HSPG2: variants seen among roughly 807,000 people sequenced by gnomAD.
HSPG2 encodes the protein basement membrane-specific heparan sulfate proteoglycan core protein.
Under a neutral mutation model 526.6 loss-of-function variants are expected in HSPG2, and 278 were observed. The observed-to-expected ratio is 0.53, with a 90% CI of 0.48 to 0.58. The LOEUF (loss-of-function observed/expected upper bound fraction) is 0.58. Ranked by LOEUF, HSPG2 falls within the 20% of genes least tolerant of loss-of-function variation. The probability of loss-of-function intolerance (pLI) is 0.00; values close to 1 mark genes in which losing one functional copy is unlikely to be tolerated. For missense variants in HSPG2, 5,354 were observed against 6,099.5 expected, an observed-to-expected ratio of 0.88 and a Z score of 4.07; for synonymous variants, 2,465 against 2,555.4, an observed-to-expected ratio of 0.96 and a Z score of 1.07.
chr1:21,824,376 C>A lies in HSPG2; in HGVS notation c.12745G>T (p.Glu4249Ter). 1 of 1,613,912 alleles carries A rather than the reference C, an allele frequency of 6.2e-7. No homozygotes were observed. The highest frequency in any genetic ancestry group is 8.5e-7 in the Non-Finnish European group (1 of 1,180,028). ...TTGCCTTGGCCGGCCTCTCCCACCT[C>A]CTGCCAGGGAAGCACAGGGTCTCTG... Reference protein sequence around the residue: ...ASGLLLWQGVEVGEAGQGKDF... With the variant: ...ASGLLLWQGV Residue 4249 changes from glutamate (E) to a stop codon, truncating the protein, a stop_gained and splice_region_variant, in exon 94 of 97, where the codon GAG becomes TAG. Transcript: ENST00000374695. LOFTEE classifies it high-confidence loss of function. This position sits in a 1 kb window ranked among gnomAD's most constrained non-coding sequence, Gnocchi z 5.9.
intron 1 of HSPG2, among the ~76,000 whole-genome samples, chr1:21,923,384 C>A (rs746416108): frequency 6.6e-6 from 1 of 151,650 alleles, no homozygotes; most frequent in Non-Finnish European, 1.5e-5. Flanking sequence ...CCAGCCTGGG[C>A]GACAGAGCAA....
chr1:21,839,280 G>T lies in HSPG2; in HGVS notation c.9889+91C>A. On this transcript the variant is annotated intron_variant, in intron 73 of 96. Transcript: ENST00000374695. This position sits in a 1 kb window ranked among gnomAD's most constrained non-coding sequence, Gnocchi z 4.5. ...ACCCTGCAGCGCCTGGAGACCTCTG[G>T]ATGGGGTTCCTGGGGTTCTGTGTGG... 1.3e-6 allele frequency: 2 copies of T among 1,515,796 alleles called. No homozygotes were observed. Among genetic ancestry groups the T allele is most frequent in the Non-Finnish European group, 1.8e-6 (2 of 1,103,828 alleles). The allele number at this position is 1,515,796 out of a possible 1,614,324, so 93.9% of individuals were successfully genotyped here.
At position 21,872,915 on chromosome 1, in the gene HSPG2, C is replaced by T; in HGVS notation, c.3888+82G>A. On this transcript the variant is annotated intron_variant, in intron 31 of 96. Coordinates refer to ENST00000374695, the MANE Select transcript of HSPG2 (RefSeq NM_005529.7). This position sits in a 1 kb window ranked among gnomAD's most constrained non-coding sequence, Gnocchi z 5.5. ...GCCCCCCATGCCCAGGTCTCGGCTT[C>T]CACCAGATGCTGCCTGATTTCCCCG... 6.5e-7 allele frequency: 1 copy of T among 1,549,552 alleles called. No homozygotes were observed. Among genetic ancestry groups the T allele is most frequent in the Non-Finnish European group, 8.9e-7 (1 of 1,122,020 alleles).
rs910977835 is a variant in HSPG2 at position 21,828,969 on chromosome 1, C to T, written c.12103G>A (p.Val4035Met). 31 of 1,576,868 alleles carry T rather than the reference C, an allele frequency of 2.0e-5. No individual in the cohort carries two copies. The highest frequency in any genetic ancestry group is 2.5e-5 in the Non-Finnish European group (29 of 1,161,682). Reference sequence around the variant, plus strand: ...CTCTTGCCGGGCGAGGAGCGCAGCACAGGGCGTCCACCATTCACCCGCAGG... The same window carrying T: ...CTCTTGCCGGGCGAGGAGCGCAGCATAGGGCGTCCACCATTCACCCGCAGG... ...GSLRVNGGRP[V>M]LRSSPGKSQG... is the part of the protein sequence containing the mutation. Residue 4035 changes from valine to methionine, a missense_variant, in exon 88 of 97, where the codon GTG (valine) becomes ATG (methionine). Coordinates refer to ENST00000374695, the MANE Select transcript of HSPG2 (RefSeq NM_005529.7). The surrounding 1 kb of genome is among the most constrained non-coding windows in gnomAD (Gnocchi z 6.0).
At chr1:21,905,215 C>G (rs1643312694) in intron 1 of HSPG2, among the ~76,000 whole-genome samples, 1 of 147,412 alleles carries the variant, frequency 6.8e-6, no homozygotes. Context: ...TCATGGTCAA[C>G]CAGGTTCTAT....
Position 21,847,208 on chromosome 1 carries a change from G to A in HSPG2, c.8164+146C>T, listed in dbSNP as rs769549367. The A allele has an allele frequency of 9.8e-5, 80 of 819,110 alleles. No individual in the cohort carries two copies. The highest frequency in any genetic ancestry group is 2.3e-4 in the Middle Eastern group (1 of 4,426). 50.7% of individuals were successfully genotyped at this position (819,110 alleles called of 1,614,324 possible). A position where few individuals can be genotyped will look rare whatever the true frequency, so the allele number is the denominator to read the frequency against. On this transcript the variant is annotated intron_variant, in intron 62 of 96. Transcript: ENST00000374695. This position sits in a 1 kb window ranked among gnomAD's most constrained non-coding sequence, Gnocchi z 4.1. ...ATTGAGAATTTGAAATGTTAGAAAT[G>A]GGGTAGCCGTAGCCACTGAACCCAC...
At chr1:21,836,527 T>C (rs1298011008) in intron 75 of HSPG2, among the ~76,000 whole-genome samples, 1 of 152,200 alleles carries the variant, frequency 6.6e-6, no homozygotes, top group East Asian at 1.9e-4. Context: ...TTCACCATGT[T>C]GGCCAGGCTG....
At chr1:21,900,543 G>A (rs1643041553) in intron 1 of HSPG2, among the ~76,000 whole-genome samples, 2 of 152,130 alleles carry the variant, frequency 1.3e-5, no homozygotes, top group South Asian at 4.1e-4. Flanking sequence ...GCCTGGGTGA[G>A]GATAAAGAGG....
intron 65 of HSPG2, 121 bp from the exon 66 acceptor site, chr1:21,843,559 A>C: frequency 3.0e-6 from 3 of 1,003,278 alleles, no homozygotes; most frequent in Non-Finnish European, 4.4e-6. Context: ...GTTGGAGGCG[A>C]CCCCTTTGAC....
Position 21,855,535 on chromosome 1 carries a change from G to T in HSPG2, c.5842C>A (p.Leu1948Ile), listed in dbSNP as rs772891670. The part of the protein sequence containing the change: ...SAGQQVARAV[L>I]HVHGGGGPRV... ...CCCGGCCTCTCACCATGCACGTGGA[G>T]CACAGCCCTGGCCACCTGCTGCCCA... The change falls in exon 46 of 97, where the codon CTC (leucine) becomes ATC (isoleucine). Residue 1948 changes from leucine (L) to isoleucine (I), a missense_variant. Transcript: ENST00000374695. 3 of 1,607,760 alleles carry T rather than the reference G, an allele frequency of 1.9e-6. No homozygotes were observed. The South Asian group carries it at 3.3e-5, about 18-fold the overall frequency.
chr1:21,830,023 G>A lies in HSPG2; in HGVS notation c.11740C>T (p.Leu3914=), dbSNP rs1446026074. 1 of 1,610,790 alleles carries A rather than the reference G, an allele frequency of 6.2e-7. No homozygotes were observed. Among genetic ancestry groups the A allele is most frequent in the African/African-American group, 1.3e-5 (1 of 74,912 alleles). ...TCACACCGCAACCCCGAGCGGCCCA[G>A]GTGGCAGCGGCAGGTGTAGCCTCGA... is the stretch of plus-strand genomic sequence containing the variant. ...DGRGYTCRCH[L]GRSGLRCEEG... is the part of the protein sequence containing the mutation. The change falls in exon 86 of 97, where the codon CTG becomes TTG. Residue 3914 remains leucine, a synonymous_variant. Transcript: ENST00000374695.
chr1:21,936,794 G>C (rs539547035), intron 1 of HSPG2, among the ~76,000 whole-genome samples: 7 of 152,134 alleles, frequency 4.6e-5, no homozygotes, highest in Non-Finnish European at 8.8e-5. Flanking sequence ...GGGTTCCCTC[G>C]TCCTGCCAAG....
At chr1:21,929,092 T>C (rs1271877122) in intron 1 of HSPG2, among the ~76,000 whole-genome samples, 1 of 152,222 alleles carries the variant, frequency 6.6e-6, no homozygotes, top group East Asian at 1.9e-4. Context: ...TCACCTACTA[T>C]CTGCCTAGCA....
chr1:21,872,645 G>C lies in HSPG2; in HGVS notation c.4004C>G (p.Ala1335Gly), dbSNP rs776998907. The C allele has an allele frequency of 1.3e-6, 2 of 1,594,350 alleles. No homozygotes were observed. The highest frequency in any genetic ancestry group is 1.3e-5 in the African/African-American group (1 of 74,724). ...CFCMGITQQC[A>G]SSAYTRHLIS... ...CAGGTGGCGTGTGTAGGCAGAGCTG[G>C]CGCACTGCTGGGTGATGCCCATACA... The change falls in exon 32 of 97, where the codon GCC becomes GGC. Residue 1335 changes from alanine (A) to glycine (G), a missense_variant. Ala to Gly is a moderately conservative substitution (Grantham distance 60, BLOSUM62 0). Transcript: ENST00000374695. The surrounding 1 kb of genome is among the most constrained non-coding windows in gnomAD (Gnocchi z 5.5).
chr1:21,937,176 C>A lies in HSPG2; in HGVS notation c.42G>T (p.Leu14=), dbSNP rs1466625226. The change falls in exon 1 of 97, where the codon CTG becomes CTT. Residue 14 remains leucine, a synonymous_variant. Coordinates refer to ENST00000374695, the MANE Select transcript of HSPG2 (RefSeq NM_005529.7). ...TCACCGCCAGCAGCCGCCCGTGCAGCAGCAGCGCCAGCAGCAGCGCGCCCG... is the reference window on the plus strand; with the variant it reads ...TCACCGCCAGCAGCCGCCCGTGCAGAAGCAGCGCCAGCAGCAGCGCGCCCG... ...RAAGALLLAL[L]LHGRLLAVTH... 7.4e-6 allele frequency: 8 copies of A among 1,086,010 alleles called. No individual in the cohort carries two copies. The highest frequency in any genetic ancestry group is 9.1e-6 in the Non-Finnish European group (8 of 881,868). 67.3% of individuals were successfully genotyped at this position (1,086,010 alleles called of 1,614,324 possible). A position where few individuals can be genotyped will look rare whatever the true frequency, so the allele number is the denominator to read the frequency against.
rs1468798547 is a variant in HSPG2, at chr1:21,872,949, G to T, written c.3888+48C>A. On this transcript the variant is annotated intron_variant, in intron 31 of 96. Transcript: ENST00000374695. The surrounding 1 kb of genome is among the most constrained non-coding windows in gnomAD (Gnocchi z 5.5). The stretch of plus-strand genomic sequence containing the variant: ...GCTGCCTGATTTCCCCGCAGGGTCT[G>T]GGCAGCGGGGCAGAGCAGGCCCCGC... 1.8e-5 allele frequency: 29 copies of T among 1,574,358 alleles called. No individual in the cohort carries two copies. The highest frequency in any genetic ancestry group is 2.4e-5 in the Non-Finnish European group (28 of 1,144,868).
chr1:21,874,564 G>A (rs1557761388), intron 27 of HSPG2, 31 bp from the exon 28 acceptor site: 1 of 1,613,806 alleles, frequency 6.2e-7, no homozygotes, highest in Non-Finnish European at 8.5e-7. Flanking sequence ...TTGAGGCTGG[G>A]CCTCCAGAGG....
chr1:21,874,060 C>T (rs756412493), intron 28 of HSPG2, 49 bp from the exon 29 acceptor site: 2 of 1,476,474 alleles, frequency 1.4e-6, no homozygotes, highest in South Asian at 1.2e-5. Flanking sequence ...GCTCCTTCCT[C>T]TCCCCCGATC....
rs2152707081 is a variant in HSPG2 at position 21,842,921 on chromosome 1, G to A, written c.8759C>T (p.Ala2920Val). The change falls in exon 67 of 97, where the codon GCT becomes GTT. Residue 2920 changes from alanine (A) to valine (V), a missense_variant and splice_region_variant. By Grantham distance (64) the Ala-to-Val change is moderately conservative. Coordinates refer to ENST00000374695, the MANE Select transcript of HSPG2 (RefSeq NM_005529.7). ...IEPSSPGPIP[A>V]PGLAQPIYIE... ...GTAGATGGGCTGGGCCAGTCCTGGA[G>A]CTGTGGGCACAGGGGGTGGGTGAGA... 1 of 1,614,132 alleles carries A rather than the reference G, an allele frequency of 6.2e-7. No individual in the cohort carries two copies.
Sources: allele counts gnomAD v4.1 joint callset (sites outside exome capture counted in the v4.1 genomes callset), GRCh38; gene constraint gnomAD v4.1.1; non-coding constraint Gnocchi (gnomAD v3.1); transcripts MANE v1.5; gene names NCBI Gene and HGNC (gene_info 2026-07-23, HGNC 2026-07-21).